The following CD163L1 variants were observed in gnomAD, a reference collection of about 807,000 sequenced individuals.
CD163L1 encodes scavenger receptor cysteine-rich type 1 protein M160.
Under a neutral mutation model 165.4 loss-of-function variants are expected in CD163L1, and 124 were observed. That is an observed-to-expected ratio of 0.75 (90% CI 0.65 to 0.87). The LOEUF (loss-of-function observed/expected upper bound fraction) is 0.87. Among genes scored for constraint, CD163L1 ranks in the 40% least tolerant of loss-of-function variants. The pLI, the probability that CD163L1 is intolerant of heterozygous loss-of-function variation, is 0.00. For missense variants in CD163L1, 1,525 were observed against 1,799.9 expected (o/e 0.85, Z 2.76); for synonymous variants, 585 against 662.2 (o/e 0.88, Z 1.79).
rs758327820 is a variant in CD163L1, at chr12:7,379,183, G to A, written c.2166C>T (p.Asn722=). 3.1e-6 allele frequency: 5 copies of A among 1,614,012 alleles called. No individual in the cohort carries two copies. In the East Asian group the frequency reaches 1.1e-4, roughly 36 times the overall value. ...GILCANGWGM[N]IAEVVCRQLE... is the part of the protein sequence containing the mutation. ...GTTGCCTGCAAACAACTTCAGCAATGTTCATTCCCCAGCCATTAGCACACA... is the reference window on the plus strand; with the variant it reads ...GTTGCCTGCAAACAACTTCAGCAATATTCATTCCCCAGCCATTAGCACACA... The change falls in exon 9 of 20, where the codon AAC becomes AAT. Residue 722 remains asparagine (N), a synonymous_variant. Coordinates refer to ENST00000313599, the MANE Select transcript of CD163L1 (RefSeq NM_174941.6).
intron 4 of CD163L1, among the ~76,000 whole-genome samples, chr12:7,421,622 CAT>C (rs373543023): frequency 0.17 from 553 of 3,326 alleles, 4 homozygotes; most frequent in African/African-American, 0.23. Context: ...CATATATGTA[CAT>C]ATATACATAT....
Position 7,347,975 on chromosome 12 carries a change from A to G in CD163L1, c.*25-828T>C, listed in dbSNP as rs1001817172. 1.3e-5 allele frequency among the ~76,000 whole-genome samples: 2 copies of G among 152,178 alleles called. No homozygotes were observed. The highest frequency in any genetic ancestry group is 4.8e-5 in the African/African-American group (2 of 41,444). ...AAACCCACATTTTTCTTCTTTAAATATTTACTACTTTGCATCATTAAATTA... is the reference window on the plus strand; with the variant it reads ...AAACCCACATTTTTCTTCTTTAAATGTTTACTACTTTGCATCATTAAATTA... On this transcript the variant is annotated intron_variant, in intron 4 of 4. Coordinates refer to the CD163L1 transcript ENST00000539726. The surrounding 1 kb of genome is among the most constrained non-coding windows in gnomAD (Gnocchi z 4.2).
chr12:7,390,572 T>C (rs1484334202), intron 8 of CD163L1, among the ~76,000 whole-genome samples: 1 of 152,098 alleles, frequency 6.6e-6, no homozygotes, highest in Non-Finnish European at 1.5e-5. Context: ...AAATTCAAAT[T>C]GGAAGATCTT....
At chr12:7,427,024 T>C (rs1948555570) in intron 4 of CD163L1, among the ~76,000 whole-genome samples, 1 of 152,064 alleles carries the variant, frequency 6.6e-6, no homozygotes. Flanking sequence ...AAAATATATA[T>C]GAGCCCCTGT....
chr12:7,406,382 T>C (rs770171765), intron 5 of CD163L1, 150 bp downstream of exon 5: 62 of 699,838 alleles, frequency 8.9e-5, no homozygotes, highest in Non-Finnish European at 1.2e-4. Context: ...TAAGGAAACA[T>C]TGAAAGTGTC....
chr12:7,365,457 A>T (rs1007053023), intron 18 of CD163L1, among the ~76,000 whole-genome samples: 3 of 152,160 alleles, frequency 2.0e-5, no homozygotes, highest in African/African-American at 7.2e-5. Flanking sequence ...CAAAGGAAAC[A>T]ATCAACAAAG....
At chr12:7,404,280 T>C (rs1249634655) in intron 5 of CD163L1, among the ~76,000 whole-genome samples, 1 of 151,790 alleles carries the variant, frequency 6.6e-6, no homozygotes, top group Non-Finnish European at 1.5e-5. Context: ...TGGGAAATAC[T>C]TGCATTTCAG....
intron 8 of CD163L1, among the ~76,000 whole-genome samples, chr12:7,389,773 T>A (rs1347586732): frequency 1.3e-5 from 2 of 151,806 alleles, no homozygotes; most frequent in African/African-American, 2.4e-5. Context: ...TCTCGTGTAC[T>A]CCATAAATAT....
intron 4 of CD163L1, among the ~76,000 whole-genome samples, chr12:7,426,462 T>A (rs1487867639): frequency 6.6e-6 from 1 of 151,448 alleles, no homozygotes; most frequent in Admixed American, 6.6e-5. Context: ...TAAAAATAAA[T>A]AAATAAATAA....
downstream of CD163L1, among the ~76,000 whole-genome samples, chr12:7,351,371 C>T (rs530849481): frequency 7.2e-5 from 11 of 152,050 alleles, no homozygotes; most frequent in Admixed American, 2.0e-4. Context: ...GTTGGAAAGT[C>T]CAAGATCAAG....
intron 8 of CD163L1, among the ~76,000 whole-genome samples, chr12:7,394,948 A>ACAGG (rs1947741366): frequency 6.6e-6 from 1 of 152,132 alleles, no homozygotes; most frequent in South Asian, 2.1e-4. Context: ...GAAACAGTGG[A>ACAGG]TGCTGGAGAG....
intron 4 of CD163L1, among the ~76,000 whole-genome samples, chr12:7,420,984 G>GGTATACATATATATATATACGT: frequency 9.8e-6 from 1 of 101,548 alleles, no homozygotes; most frequent in African/African-American, 5.2e-5. Context: ...AAGAAATTGT[G>GGTATACATATATATATATACGT]GTATATATAT....
rs922181474 is a variant in CD163L1 at position 7,400,813 on chromosome 12, A to G, written c.1409-2229T>C. 6.6e-6 allele frequency among the ~76,000 whole-genome samples: 1 copy of G among 152,230 alleles called. No individual in the cohort carries two copies. The highest frequency in any genetic ancestry group is 2.4e-5 in the African/African-American group (1 of 41,478). On this transcript the variant is annotated intron_variant, in intron 6 of 19. Transcript: ENST00000313599. This position sits in a 1 kb window ranked among gnomAD's most constrained non-coding sequence, Gnocchi z 4.1. ...TTAGGCAATATATATCTCAGTAGGTATTAGCCTATAGAAAGCTACAGTAGT... is the reference window on the plus strand; with the variant it reads ...TTAGGCAATATATATCTCAGTAGGTGTTAGCCTATAGAAAGCTACAGTAGT...
intron 3 of CD163L1, among the ~76,000 whole-genome samples, chr12:7,433,160 T>C (rs377097245): frequency 1.3e-5 from 2 of 152,158 alleles, no homozygotes; most frequent in Non-Finnish European, 1.5e-5. Flanking sequence ...GTCTCTCTCT[T>C]TCTCTCTCCA....
At chr12:7,408,979 A>G (rs563410649) in intron 4 of CD163L1, among the ~76,000 whole-genome samples, 2 of 152,198 alleles carry the variant, frequency 1.3e-5, no homozygotes, top group African/African-American at 2.4e-5. Context: ...AGAAGAAATA[A>G]AGAAGAATCA....
chr12:7,434,553 G>A (rs1039788284), intron 2 of CD163L1, among the ~76,000 whole-genome samples: 1 of 152,066 alleles, frequency 6.6e-6, no homozygotes, highest in East Asian at 1.9e-4. Context: ...AGTTTTCAAC[G>A]TGAAACTTTA....
chr12:7,420,643 A>G (rs1283763849), intron 4 of CD163L1, among the ~76,000 whole-genome samples: 3 of 152,132 alleles, frequency 2.0e-5, no homozygotes, highest in African/African-American at 7.2e-5. Context: ...AATGCAAGTA[A>G]AAGCCACAAT....
At chr12:7,344,781 C>T (rs933835124), downstream of CD163L1, among the ~76,000 whole-genome samples, 1 of 152,256 alleles carries the variant, frequency 6.6e-6, no homozygotes, top group South Asian at 2.1e-4. Context: ...TGTGTACTCA[C>T]ATGCTTAAAA....
chr12:7,389,960 T>TATA (rs1555197839), intron 8 of CD163L1, among the ~76,000 whole-genome samples: 25 of 135,938 alleles, frequency 1.8e-4, no homozygotes, highest in African/African-American at 6.7e-4. Flanking sequence ...ATATATATAT[T>TATA]TATATATATA....
Sources: gnomAD v4.1 joint callset for allele counts (sites outside exome capture counted in the v4.1 genomes callset) on GRCh38, gnomAD v4.1.1 for gene constraint, Gnocchi (gnomAD v3.1) non-coding constraint, MANE v1.5 for transcripts, NCBI Gene and HGNC (gene_info 2026-07-23, HGNC 2026-07-21) for gene names.